Variants in CRTAC1 observed in about 807,000 individuals in gnomAD.
CRTAC1 encodes the protein cartilage acidic protein 1, also known as acidic secreted protein in cartilage.
A neutral mutation model predicts 67.8 loss-of-function variants in CRTAC1; 37 were observed. That is an observed-to-expected ratio of 0.55 (90% CI 0.42 to 0.72). The LOEUF is 0.72. Among genes scored for constraint, CRTAC1 ranks in the 30% least tolerant of loss-of-function variants. The pLI, the probability that CRTAC1 is intolerant of heterozygous loss-of-function variation, is 0.00. For synonymous variants in CRTAC1, 348 were observed against 371.0 expected (o/e 0.94, Z 0.71); for missense variants, 780 against 931.6 (o/e 0.84, Z 2.12).
intron 2 of CRTAC1, among the ~76,000 whole-genome samples, chr10:97,970,308 C>A (rs1429942680): frequency 6.6e-6 from 1 of 152,210 alleles, no homozygotes; most frequent in Non-Finnish European, 1.5e-5. Flanking sequence ...CCTTTCCTTC[C>A]TTCAGTCTAT....
intron 14 of CRTAC1, among the ~76,000 whole-genome samples, chr10:97,875,337 T>A (rs926396758): frequency 6.6e-6 from 1 of 152,252 alleles, no homozygotes; most frequent in Non-Finnish European, 1.5e-5. Context: ...AGGCATTGCA[T>A]AAATGTTAGC....
At chr10:97,963,039 C>A (rs1022690387) in intron 2 of CRTAC1, among the ~76,000 whole-genome samples, 2 of 152,054 alleles carry the variant, frequency 1.3e-5, no homozygotes, top group African/African-American at 4.8e-5. Context: ...CTCCTCCTCT[C>A]CCCCATAGAC....
rs937076582 is a variant in CRTAC1 at position 97,865,312 on chromosome 10, C to A, written c.*236G>T. 4.4e-6 allele frequency: 2 copies of A among 451,178 alleles called. No individual in the cohort carries two copies. Among genetic ancestry groups the A allele is most frequent in the Non-Finnish European group, 3.9e-6 (1 of 258,326 alleles). The allele number at this position is 451,178 out of a possible 1,614,324, so 27.9% of individuals were successfully genotyped here. A position where few individuals can be genotyped will look rare whatever the true frequency, so the allele number is the denominator to read the frequency against. On this transcript the variant is annotated 3_prime_UTR_variant, in exon 15 of 15. Coordinates refer to ENST00000370597, the MANE Select transcript of CRTAC1 (RefSeq NM_018058.7). ...TCCTAAGATATGGTCATTAGACCCA[C>A]TGGAATGTAAGCGCCATCAGGGCAG... is the stretch of plus-strand genomic sequence containing the variant.
chr10:97,996,726 A>G (rs1237229356), intron 2 of CRTAC1, among the ~76,000 whole-genome samples: 2 of 152,216 alleles, frequency 1.3e-5, no homozygotes, highest in Non-Finnish European at 2.9e-5. Flanking sequence ...CAGCCATCCC[A>G]TTATTGGGTA....
Position 98,030,427 on chromosome 10 carries a change from G to T in CRTAC1, c.24+22C>A. The T allele has an allele frequency of 8.0e-7, 1 of 1,246,540 alleles. No individual in the cohort carries two copies. The highest frequency in any genetic ancestry group is 1.0e-6 in the Non-Finnish European group (1 of 985,874). 77.2% of individuals were successfully genotyped at this position (1,246,540 alleles called of 1,614,324 possible). On this transcript the variant is annotated intron_variant, in intron 1 of 14. Coordinates refer to ENST00000370597, the MANE Select transcript of CRTAC1 (RefSeq NM_018058.7). The surrounding 1 kb of genome is among the most constrained non-coding windows in gnomAD (Gnocchi z 4.2). Reference sequence around the variant, plus strand: ...GAAACTTTCTCCGCCTTAGGGTGGGGGGCACCGGTGCAGATACTCACGCCG... The same window carrying T: ...GAAACTTTCTCCGCCTTAGGGTGGGTGGCACCGGTGCAGATACTCACGCCG...
chr10:97,959,931 A>G (rs896321335), intron 2 of CRTAC1, among the ~76,000 whole-genome samples: 1 of 152,252 alleles, frequency 6.6e-6, no homozygotes, highest in African/African-American at 2.4e-5. Flanking sequence ...AATGTTGTCT[A>G]CCAGGAAGGC....
chr10:97,936,074 G>A (rs2051081517), intron 3 of CRTAC1, 96 bp downstream of exon 3: 1 of 1,197,812 alleles, frequency 8.3e-7, no homozygotes, highest in Non-Finnish European at 1.2e-6. Flanking sequence ...AATGACAGTT[G>A]CCTGAGGAAG....
chr10:97,876,087 T>C (rs1159109408), intron 14 of CRTAC1, among the ~76,000 whole-genome samples: 2 of 152,100 alleles, frequency 1.3e-5, no homozygotes, highest in African/African-American at 2.4e-5. Context: ...GCTCCATTTT[T>C]CCCCTCCCAA....
At position 97,927,094 on chromosome 10, in the gene CRTAC1, G is replaced by A. The variant is rs143316231; in HGVS notation, c.422-3694C>T. Among the ~76,000 whole-genome samples the A allele has an allele frequency of 1.3e-3, 198 of 152,320 alleles. 2 individuals are homozygous for A. Among genetic ancestry groups the A allele is most frequent in the African/African-American group, 4.5e-3 (186 of 41,574 alleles). ...CTGCAGAGCTCTGATGGACACCTCT[G>A]GATTCAGTGAGAGAAATTTCTCAAG... On this transcript the variant is annotated intron_variant, in intron 3 of 14. Coordinates refer to ENST00000370597, the MANE Select transcript of CRTAC1 (RefSeq NM_018058.7).
At chr10:97,914,760 G>T (rs1359152351) in intron 5 of CRTAC1, among the ~76,000 whole-genome samples, 1 of 152,186 alleles carries the variant, frequency 6.6e-6, no homozygotes, top group Non-Finnish European at 1.5e-5. Context: ...TCCCAGGCAG[G>T]GCAGCTCCCG....
chr10:98,011,059 G>A (rs1842896289), intron 2 of CRTAC1, 79 bp downstream of exon 2: 2 of 1,216,124 alleles, frequency 1.6e-6, no homozygotes, highest in Admixed American at 3.4e-5. Context: ...GCAAGTCACT[G>A]GGGTTTGGAG....
chr10:97,928,666 G>A (rs543674469), intron 3 of CRTAC1, among the ~76,000 whole-genome samples: 31 of 152,274 alleles, frequency 2.0e-4, no homozygotes, highest in African/African-American at 7.2e-4. Flanking sequence ...TGGAAGAGTC[G>A]CTGTGATCAG....
At chr10:97,963,782 T>C (rs1305866885) in intron 2 of CRTAC1, among the ~76,000 whole-genome samples, 4 of 152,208 alleles carry the variant, frequency 2.6e-5, no homozygotes, top group Non-Finnish European at 5.9e-5. Flanking sequence ...CACCATGTAT[T>C]GATATTTATT....
chr10:97,904,710 G>C lies in CRTAC1; in HGVS notation c.955C>G (p.Leu319Val). 6.3e-7 allele frequency: 1 copy of C among 1,598,116 alleles called. No individual in the cohort carries two copies. Among genetic ancestry groups the C allele is most frequent in the South Asian group, 1.1e-5 (1 of 88,792 alleles). ...VYGNWNGPHR[L>V]YLQMSTHGKV... ...CCATGGGTGCTCATTTGCAGATAGA[G>C]GCGGTGGGGGCCATTCCAGTTGCCA... The change falls in exon 7 of 15, where the codon CTC becomes GTC. Residue 319 changes from leucine (L) to valine (V), a missense_variant. Transcript: ENST00000370597.
chr10:98,022,182 C>T (rs1483587848), intron 1 of CRTAC1, among the ~76,000 whole-genome samples: 2 of 151,758 alleles, frequency 1.3e-5, no homozygotes, highest in African/African-American at 2.4e-5. Context: ...ATGGAGAAAC[C>T]CCAACTCTAC....
chr10:97,936,920 T>C (rs2051098669), intron 2 of CRTAC1, among the ~76,000 whole-genome samples: 1 of 152,106 alleles, frequency 6.6e-6, no homozygotes, highest in Non-Finnish European at 1.5e-5. Flanking sequence ...AGGTGCTTTC[T>C]ACTATCCCGA....
intron 2 of CRTAC1, among the ~76,000 whole-genome samples, chr10:97,960,496 T>C (rs2051508772): frequency 6.6e-6 from 1 of 152,250 alleles, no homozygotes; most frequent in Non-Finnish European, 1.5e-5. Flanking sequence ...TGTGTATCTA[T>C]GATAAATTAA....
intron 2 of CRTAC1, among the ~76,000 whole-genome samples, chr10:97,998,360 A>AT (rs1040292630): frequency 1.9e-4 from 29 of 151,878 alleles, no homozygotes; most frequent in East Asian, 9.7e-4. Flanking sequence ...CAGACCAGGT[A>AT]TTTTTTTTTA....
At chr10:97,908,707 T>A (rs1389556532) in intron 5 of CRTAC1, among the ~76,000 whole-genome samples, 1 of 152,230 alleles carries the variant, frequency 6.6e-6, no homozygotes, top group African/African-American at 2.4e-5. Flanking sequence ...AGCATCCATA[T>A]GACAAACCAT....
Sources: gnomAD v4.1 joint callset for allele counts (sites outside exome capture counted in the v4.1 genomes callset) on GRCh38, gnomAD v4.1.1 for gene constraint, Gnocchi (gnomAD v3.1) non-coding constraint, MANE v1.5 for transcripts, NCBI Gene and HGNC (gene_info 2026-07-23, HGNC 2026-07-21) for gene names.